SGCZ: variants seen among roughly 807,000 people sequenced by gnomAD.
SGCZ encodes the protein sarcoglycan zeta.
Under a neutral mutation model 41.3 loss-of-function variants are expected in SGCZ, and 40 were observed. The ratio of observed to expected loss-of-function variants is 0.97; its 90% CI spans 0.75 to 1.26. SGCZ has a LOEUF of 1.26. Ranked by LOEUF, SGCZ falls within the 50% of genes most tolerant of loss-of-function variation. The pLI, the probability that SGCZ is intolerant of heterozygous loss-of-function variation, is 0.00. For missense variants in SGCZ, 552 were observed against 369.8 expected (o/e 1.49, Z -4.04); for synonymous variants, 206 against 137.5 (o/e 1.50, Z -3.49).
intron 1 of SGCZ, among the ~76,000 whole-genome samples, chr8:14,621,695 AC>A (rs1483897366): frequency 6.7e-6 from 1 of 150,142 alleles, no homozygotes; most frequent in Non-Finnish European, 1.5e-5. Context: ...ACACTTTTAC[AC>A]CAGCAGATCT....
At chr8:14,917,920 A>G (rs1027460082) in intron 1 of SGCZ, among the ~76,000 whole-genome samples, 1 of 152,128 alleles carries the variant, frequency 6.6e-6, no homozygotes, top group Non-Finnish European at 1.5e-5. Flanking sequence ...GTTATATTAC[A>G]TCATGTTACC....
intron 1 of SGCZ, among the ~76,000 whole-genome samples, chr8:14,631,022 AAAAAAT>A (rs1311846442): frequency 2.0e-5 from 3 of 148,846 alleles, no homozygotes; most frequent in South Asian, 2.1e-4. Flanking sequence ...AAGTATAATA[AAAAAAT>A]AAAAATAAAA....
intron 1 of SGCZ, among the ~76,000 whole-genome samples, chr8:14,991,620 T>C (rs1802017870): frequency 6.6e-6 from 1 of 152,118 alleles, no homozygotes; most frequent in African/African-American, 2.4e-5. Context: ...CCATATCTGG[T>C]CATCTTCTAG....
intron 3 of SGCZ, among the ~76,000 whole-genome samples, chr8:14,250,032 A>G (rs1024145368): frequency 2.0e-5 from 3 of 152,216 alleles, no homozygotes; most frequent in Non-Finnish European, 4.4e-5. Flanking sequence ...AAATCATCTG[A>G]AGATATTTCT....
intron 1 of SGCZ, among the ~76,000 whole-genome samples, chr8:15,148,742 T>A (rs1261634936): frequency 6.6e-6 from 1 of 152,198 alleles, no homozygotes; most frequent in African/African-American, 2.4e-5. Flanking sequence ...GCTTGACTTA[T>A]AACTGAATTT....
At chr8:14,138,440 C>T (rs183487169) in intron 5 of SGCZ, among the ~76,000 whole-genome samples, 7 of 151,606 alleles carry the variant, frequency 4.6e-5, no homozygotes, top group African/African-American at 1.7e-4. Context: ...TCAGGAGATC[C>T]ATCTCACGTG....
chr8:14,652,432 G>T (rs1040601882), intron 1 of SGCZ, among the ~76,000 whole-genome samples: 10 of 151,270 alleles, frequency 6.6e-5, no homozygotes, highest in Non-Finnish European at 1.0e-4. Context: ...TGAAGACAAT[G>T]ATATCTATAA....
chr8:14,734,265 T>A (rs1015300326), intron 1 of SGCZ, among the ~76,000 whole-genome samples: 1 of 152,096 alleles, frequency 6.6e-6, no homozygotes, highest in Non-Finnish European at 1.5e-5. Context: ...AAATTTAGCA[T>A]AAGATGGTAG....
intron 1 of SGCZ, among the ~76,000 whole-genome samples, chr8:14,556,625 T>C (rs1804043191): frequency 6.6e-6 from 1 of 152,028 alleles, no homozygotes; most frequent in Non-Finnish European, 1.5e-5. Flanking sequence ...AAGTCCATTG[T>C]GTCATTCTTA....
At chr8:14,362,501 C>T (rs1354590139) in intron 2 of SGCZ, among the ~76,000 whole-genome samples, 1 of 152,206 alleles carries the variant, frequency 6.6e-6, no homozygotes, top group African/African-American at 2.4e-5. Flanking sequence ...ACCCAAAAGC[C>T]AGGCACAAGA....
intron 1 of SGCZ, among the ~76,000 whole-genome samples, chr8:15,144,392 C>T (rs920772509): frequency 6.6e-6 from 1 of 151,952 alleles, no homozygotes; most frequent in East Asian, 1.9e-4. Flanking sequence ...TTAACGTTTC[C>T]TAGTTTAATG....
intron 1 of SGCZ, among the ~76,000 whole-genome samples, chr8:14,964,995 A>C (rs369374637): frequency 3.3e-4 from 50 of 152,136 alleles, no homozygotes; most frequent in African/African-American, 1.1e-3. Flanking sequence ...TTACCCACTC[A>C]GTTCTAATCC....
chr8:14,146,677 C>G (rs111243420), intron 5 of SGCZ, among the ~76,000 whole-genome samples: 6,188 of 151,386 alleles, frequency 0.041, 435 homozygotes, highest in African/African-American at 0.14. Context: ...TCGAGACCAT[C>G]CCGGCTAAAA....
chr8:15,178,189 A>T (rs1017114386), intron 1 of SGCZ, among the ~76,000 whole-genome samples: 4 of 151,768 alleles, frequency 2.6e-5, no homozygotes, highest in African/African-American at 9.7e-5. Flanking sequence ...CACCCTCCAC[A>T]ACCATTTCTT....
intron 1 of SGCZ, among the ~76,000 whole-genome samples, chr8:14,938,087 A>C (rs986440568): frequency 2.6e-5 from 4 of 152,158 alleles, no homozygotes; most frequent in Admixed American, 2.0e-4. Flanking sequence ...TATATACATA[A>C]TGATGCATAT....
chr8:15,079,707 T>C (rs534384000), intron 1 of SGCZ, among the ~76,000 whole-genome samples: 1 of 152,288 alleles, frequency 6.6e-6, no homozygotes. Flanking sequence ...TATTCAGAGA[T>C]TCCAACAATG....
chr8:14,630,864 C>T (rs1368839182), intron 1 of SGCZ, among the ~76,000 whole-genome samples: 2 of 99,994 alleles, frequency 2.0e-5, no homozygotes, highest in East Asian at 2.8e-4. Flanking sequence ...GACACTGGGG[C>T]CTGTTGTGGG....
At chr8:15,016,451 C>T (rs1177042474) in intron 1 of SGCZ, among the ~76,000 whole-genome samples, 1 of 152,164 alleles carries the variant, frequency 6.6e-6, no homozygotes, top group African/African-American at 2.4e-5. Context: ...AGCATAATCT[C>T]TTGGCAGGAT....
At chr8:14,344,995 T>G (rs1371511159) in intron 2 of SGCZ, among the ~76,000 whole-genome samples, 1 of 151,928 alleles carries the variant, frequency 6.6e-6, no homozygotes, top group Non-Finnish European at 1.5e-5. Context: ...ACTGGCAAAA[T>G]AAAAGCATAA....
Sources: gnomAD v4.1 joint callset for allele counts (sites outside exome capture counted in the v4.1 genomes callset) on GRCh38, gnomAD v4.1.1 for gene constraint, MANE v1.5 for transcripts, NCBI Gene and HGNC (gene_info 2026-07-23, HGNC 2026-07-21) for gene names.